The following ATXN1 variants were observed in gnomAD, a reference collection of about 807,000 sequenced individuals.
ATXN1 encodes the protein ataxin 1, also known as ataxin-1.
Under a neutral mutation model 56.4 loss-of-function variants are expected in ATXN1, and 8 were observed. That is an observed-to-expected ratio of 0.14 (90% confidence interval 0.08 to 0.26). The LOEUF (loss-of-function observed/expected upper bound fraction) is 0.26. Ranked by LOEUF, ATXN1 falls within the 10% of genes least tolerant of loss-of-function variation. The pLI is 1.00. For missense variants in ATXN1, 987 were observed against 1,106.5 expected (o/e 0.89, Z 1.53); for synonymous variants, 514 against 494.6 (o/e 1.04, Z -0.52).
chr6:16,663,656 T>C (rs1489353575), intron 2 of ATXN1, among the ~76,000 whole-genome samples: 1 of 16,700 alleles, frequency 6.0e-5, no homozygotes, highest in Non-Finnish European at 9.2e-5. Flanking sequence ...TTTTATTTAT[T>C]TATTTATTTA....
At position 16,356,257 on chromosome 6, in the gene ATXN1, G is replaced by A. The variant is rs548181218; in HGVS notation, c.-160-27787C>T. 3.9e-5 allele frequency among the ~76,000 whole-genome samples: 6 copies of A among 152,218 alleles called. No individual in the cohort carries two copies. In the East Asian group the frequency reaches 5.8e-4, roughly 15 times the overall value. ...AGTAAAAAATCGTGGCACAGGTCACGGATTTTCTTCCTCCTCCCTGCTTAT... is the reference window on the plus strand; with the variant it reads ...AGTAAAAAATCGTGGCACAGGTCACAGATTTTCTTCCTCCTCCCTGCTTAT... On this transcript the variant is annotated intron_variant, in intron 6 of 7. Coordinates refer to ENST00000436367, the MANE Select transcript of ATXN1 (RefSeq NM_001128164.2).
intron 3 of ATXN1, chr6:16,615,858 C>T (rs1261328044): frequency 6.6e-6 from 1 of 151,752 alleles, no homozygotes; most frequent in Non-Finnish European, 1.5e-5. Flanking sequence ...CATGGTGAAA[C>T]TCCGTCTCTA....
intron 3 of ATXN1, among the ~76,000 whole-genome samples, chr6:16,645,164 G>C (rs189686228): frequency 2.3e-4 from 35 of 152,276 alleles, no homozygotes; most frequent in Admixed American, 1.4e-3. Flanking sequence ...CCACCAGATG[G>C]AAGAAGCAAA....
At chr6:16,418,645 T>C (rs998016600) in intron 6 of ATXN1, among the ~76,000 whole-genome samples, 2 of 151,150 alleles carry the variant, frequency 1.3e-5, no homozygotes, top group African/African-American at 4.9e-5. Flanking sequence ...GCCATGCTGG[T>C]GTGCTGCACC....
rs1294951552 is a variant in ATXN1 at position 16,760,609 on chromosome 6, C to T, written c.-730+689G>A. On this transcript the variant is annotated intron_variant, in intron 1 of 7. Transcript: ENST00000436367. This position sits in a 1 kb window ranked among gnomAD's most constrained non-coding sequence, Gnocchi z 5.3. ...GGCCGCGCGCAAAGTCCCGTCCCGG[C>T]TGCAGGAGCAGTCCCTTCCCCGCCC... 2.0e-5 allele frequency among the ~76,000 whole-genome samples: 3 copies of T among 151,258 alleles called. No homozygotes were observed. The highest frequency in any genetic ancestry group is 4.4e-5 in the Non-Finnish European group (3 of 67,710).
Position 16,642,154 on chromosome 6 carries a change from G to A in ATXN1, c.-489+15622C>T, listed in dbSNP as rs142241754. Among the ~76,000 whole-genome samples the A allele has an allele frequency of 4.1e-3, 619 of 152,292 alleles. 2 individuals carry two copies. Among genetic ancestry groups the A allele is most frequent in the Admixed American group, 7.6e-3 (116 of 15,294 alleles). ...TGTAATCTCAGCACTTTGGGAGGCCGAGGCAGGGGAATCACAAGGTCCGGA... is the reference window on the plus strand; with the variant it reads ...TGTAATCTCAGCACTTTGGGAGGCCAAGGCAGGGGAATCACAAGGTCCGGA... On this transcript the variant is annotated intron_variant, in intron 3 of 7. Coordinates refer to ENST00000436367, the MANE Select transcript of ATXN1 (RefSeq NM_001128164.2).
intron 6 of ATXN1, among the ~76,000 whole-genome samples, chr6:16,374,225 T>C (rs148654581): frequency 3.3e-5 from 5 of 150,728 alleles, no homozygotes; most frequent in Non-Finnish European, 5.9e-5. Flanking sequence ...ATAAAAAAAT[T>C]AGGGAACAAG....
chr6:16,420,758 A>G, intron 6 of ATXN1, among the ~76,000 whole-genome samples: 1 of 152,148 alleles, frequency 6.6e-6, no homozygotes, highest in Non-Finnish European at 1.5e-5. Flanking sequence ...AGATAGAATG[A>G]CCCATAAAAA....
chr6:16,640,406 A>C (rs1295945869), intron 3 of ATXN1, among the ~76,000 whole-genome samples: 1 of 152,146 alleles, frequency 6.6e-6, no homozygotes, highest in East Asian at 1.9e-4. Context: ...GAAGTTGGCC[A>C]GGCACGGGGG....
intron 3 of ATXN1, among the ~76,000 whole-genome samples, chr6:16,648,423 G>C (rs1243309907): frequency 6.6e-6 from 1 of 152,150 alleles, no homozygotes; most frequent in Non-Finnish European, 1.5e-5. Flanking sequence ...TCTGAGCCCT[G>C]GCTCTCATGA....
At chr6:16,662,150 G>A (rs1561797978) in intron 2 of ATXN1, among the ~76,000 whole-genome samples, 1 of 152,242 alleles carries the variant, frequency 6.6e-6, no homozygotes, top group East Asian at 1.9e-4. Context: ...TGGTAGAGGT[G>A]GGACTCAAAC....
chr6:16,311,462 A>C (rs1341147577), intron 7 of ATXN1, among the ~76,000 whole-genome samples: 2 of 152,198 alleles, frequency 1.3e-5, no homozygotes, highest in Non-Finnish European at 2.9e-5. Context: ...GTAGGATCCA[A>C]AGGCATGAGC....
intron 6 of ATXN1, among the ~76,000 whole-genome samples, chr6:16,456,529 CAG>C (rs1759878226): frequency 6.6e-6 from 1 of 152,174 alleles, no homozygotes; most frequent in South Asian, 2.1e-4. Flanking sequence ...CTAGGGTCGA[CAG>C]AGAGGAAAGC....
intron 4 of ATXN1, among the ~76,000 whole-genome samples, chr6:16,572,005 G>A (rs535858566): frequency 6.6e-6 from 1 of 152,008 alleles, no homozygotes; most frequent in South Asian, 2.1e-4. Flanking sequence ...ATATTATATC[G>A]TGCAATGCTA....
chr6:16,506,626 G>A lies in ATXN1; in HGVS notation c.-299+16001C>T, dbSNP rs576194266. The stretch of plus-strand genomic sequence containing the variant: ...GTTCAGAAGTGTTAGGAGAATTGAT[G>A]AGTTAATGTTGGTAAATCACTCTGC... On this transcript the variant is annotated intron_variant, in intron 5 of 7. Transcript: ENST00000436367. The surrounding 1 kb of genome is among the most constrained non-coding windows in gnomAD (Gnocchi z 4.1). Among the ~76,000 whole-genome samples, 2 of 152,264 alleles carry A rather than the reference G, an allele frequency of 1.3e-5. No homozygotes were observed. Among genetic ancestry groups the A allele is most frequent in the East Asian group, 3.9e-4 (2 of 5,192 alleles).
intron 6 of ATXN1, among the ~76,000 whole-genome samples, chr6:16,375,379 T>A (rs114237657): frequency 0.021 from 3,206 of 152,320 alleles, 55 homozygotes; most frequent in Non-Finnish European, 0.03. Flanking sequence ...TCAGGACAAG[T>A]GTCTCTGAGG....
intron 3 of ATXN1, among the ~76,000 whole-genome samples, chr6:16,640,599 C>T (rs545502524): frequency 1.3e-5 from 2 of 151,260 alleles, no homozygotes; most frequent in Admixed American, 6.6e-5. Flanking sequence ...AGGAGAATGG[C>T]GTGAACCCGG....
chr6:16,724,546 T>G (rs1759809383), intron 2 of ATXN1, among the ~76,000 whole-genome samples: 1 of 152,188 alleles, frequency 6.6e-6, no homozygotes, highest in Admixed American at 6.5e-5. Context: ...AAACAGCCAC[T>G]GGAGCTGGCT....
intron 4 of ATXN1, among the ~76,000 whole-genome samples, chr6:16,529,208 G>GTTTT (rs57446118): frequency 8.1e-6 from 1 of 123,348 alleles, no homozygotes; most frequent in Non-Finnish European, 1.7e-5. Context: ...AGGGTTTTTT[G>GTTTT]TTTTTTTTTT....
Sources: allele counts gnomAD v4.1 joint callset (sites outside exome capture counted in the v4.1 genomes callset), GRCh38; gene constraint gnomAD v4.1.1; non-coding constraint Gnocchi (gnomAD v3.1); transcripts MANE v1.5; gene names NCBI Gene and HGNC (gene_info 2026-07-23, HGNC 2026-07-21).